EFCAB12: variants seen among roughly 807,000 people sequenced by gnomAD.
EFCAB12 encodes the protein EF-hand calcium binding domain 12.
EFCAB12 carries 43 observed loss-of-function variants against 53.6 expected under a neutral mutation model. The ratio of observed to expected loss-of-function variants is 0.80; its 90% CI spans 0.63 to 1.03. EFCAB12 has a LOEUF of 1.03. Among genes scored for constraint, EFCAB12 ranks in the 50% least tolerant of loss-of-function variants. EFCAB12 has a pLI of 0.00. For missense variants in EFCAB12, 646 were observed against 730.6 expected (o/e 0.88, Z 1.34); for synonymous variants, 269 against 289.2 (o/e 0.93, Z 0.71).
intron 5 of EFCAB12, among the ~76,000 whole-genome samples, chr3:129,410,909 C>A (rs902979183): frequency 6.6e-6 from 1 of 152,158 alleles, no homozygotes; most frequent in South Asian, 2.1e-4. Flanking sequence ...GATGAAAAGT[C>A]ATAATTAAAG....
intron 1 of EFCAB12, among the ~76,000 whole-genome samples, chr3:129,424,885 C>T (rs1321009620): frequency 6.6e-6 from 1 of 152,156 alleles, no homozygotes; most frequent in Non-Finnish European, 1.5e-5. Flanking sequence ...ACAAGATGTT[C>T]TCAGTTGGGG....
At chr3:129,421,858 G>A (rs2072193966) in intron 1 of EFCAB12, 55 bp from the exon 2 acceptor site, 1 of 1,504,756 alleles carries the variant, frequency 6.6e-7, no homozygotes, top group Non-Finnish European at 8.9e-7. Flanking sequence ...ACTGAAAGGA[G>A]CCAGGAAGGA....
Position 129,408,824 on chromosome 3 carries a change from C to CAA in EFCAB12, c.1069_1070insTT (p.Cys357PhefsTer25). ...CCGATTCCCACAGCGCACCAGGTGA[C>CAA]ATTGCTCCGTGTACTGGATGGAGGG... On this transcript the variant is annotated frameshift_variant, in exon 6 of 9. Coordinates refer to ENST00000505956, the MANE Select transcript of EFCAB12 (RefSeq NM_207307.3). LOFTEE classifies it high-confidence loss of function. 1 of 1,576,024 alleles carries CAA rather than the reference C, an allele frequency of 6.3e-7. No individual in the cohort carries two copies. Among genetic ancestry groups the CAA allele is most frequent in the South Asian group, 1.2e-5 (1 of 85,624 alleles).
chr3:129,403,776 G>A (rs2071908245), intron 7 of EFCAB12: 1 of 152,630 alleles, frequency 6.6e-6, no homozygotes, highest in Non-Finnish European at 1.5e-5. Context: ...GAAAGGGCTG[G>A]AGGCAGGTCC....
chr3:129,406,046 C>CT, intron 6 of EFCAB12, among the ~76,000 whole-genome samples: 1 of 133,932 alleles, frequency 7.5e-6, no homozygotes, highest in East Asian at 4.1e-4. Flanking sequence ...GACCCCATCT[C>CT]TTAAAAAAAA....
At chr3:129,426,247 T>C (rs2072269200) in intron 1 of EFCAB12, among the ~76,000 whole-genome samples, 1 of 152,156 alleles carries the variant, frequency 6.6e-6, no homozygotes, top group East Asian at 1.9e-4. Flanking sequence ...TATGACCTTC[T>C]GTATGCTGGG....
Position 129,421,662 on chromosome 3 carries a change from C to T in EFCAB12, c.191G>A (p.Arg64His), listed in dbSNP as rs181124030. ...ATTAAGGGGTGTCTGATCCTCCTTG[C>T]GAGGCACCATGATGATTCGCCGGCG... ...QTRRRIIMVPRKEDQTPLNPA... is the reference protein window; with the variant it reads ...QTRRRIIMVPHKEDQTPLNPA... Residue 64 changes from arginine to histidine, a missense_variant, in exon 2 of 9, where the codon CGC becomes CAC. Physicochemically the swap from Arg to His is conservative, Grantham distance 29 (BLOSUM62 0). Transcript: ENST00000505956. 21 of 1,613,888 alleles carry T rather than the reference C, an allele frequency of 1.3e-5. No individual in the cohort carries two copies. The East Asian group carries it at 2.5e-4, about 19-fold the overall frequency.
rs747967823 is a variant in EFCAB12, at chr3:129,408,754, C to A, written c.1140G>T (p.Met380Ile). Residue 380 changes from methionine to isoleucine, a missense_variant, in exon 6 of 9, where the codon ATG (methionine) becomes ATT (isoleucine). Physicochemically the swap from Met to Ile is conservative, Grantham distance 10. Transcript: ENST00000505956. ...TGCGGGCCGAGTCAATGAGCTCCCT[C>A]ATATCCCCGTGGATGGTGGACGGGA... is the stretch of plus-strand genomic sequence containing the variant. ...HCLPSTIHGD[M>I]RELIDSARRH... The A allele has an allele frequency of 6.3e-7, 1 of 1,581,272 alleles. No homozygotes were observed. The highest frequency in any genetic ancestry group is 8.6e-7 in the Non-Finnish European group (1 of 1,162,080).
chr3:129,405,652 T>G (rs891987224), intron 6 of EFCAB12, among the ~76,000 whole-genome samples: 1 of 152,100 alleles, frequency 6.6e-6, no homozygotes, highest in Non-Finnish European at 1.5e-5. Flanking sequence ...GGGGAGACCT[T>G]GTTTAGAATT....
intron 5 of EFCAB12, among the ~76,000 whole-genome samples, chr3:129,409,830 C>T (rs1455774370): frequency 5.3e-5 from 8 of 152,200 alleles, no homozygotes; most frequent in Admixed American, 5.2e-4. Flanking sequence ...TGGCCCTTTA[C>T]AGGGGAACTT....
At chr3:129,417,352 A>C (rs1282776402) in intron 3 of EFCAB12, among the ~76,000 whole-genome samples, 35 of 140,004 alleles carry the variant, frequency 2.5e-4, no homozygotes, top group South Asian at 4.6e-4. Context: ...AAAAAAAAAA[A>C]ACCCAAAACC....
chr3:129,402,562 C>T lies in EFCAB12; in HGVS notation c.1421G>A (p.Ser474Asn). ...AAACTCCTTAAAGCGCATTTTCTTG[C>T]TTTTCTTTGGCGTTTTCCTAGTGGA... Reference protein sequence around the residue: ...KRTDKKTPKKSKKMRFKEFEE... With the variant: ...KRTDKKTPKKNKKMRFKEFEE... The change falls in exon 8 of 9, where the codon AGC (serine) becomes AAC (asparagine). Residue 474 changes from serine to asparagine, a missense_variant. Coordinates refer to ENST00000505956, the MANE Select transcript of EFCAB12 (RefSeq NM_207307.3). 1.2e-6 allele frequency: 2 copies of T among 1,612,890 alleles called. No individual in the cohort carries two copies. The highest frequency in any genetic ancestry group is 1.7e-6 in the Non-Finnish European group (2 of 1,179,336).
intron 4 of EFCAB12, chr3:129,411,556 C>A: frequency 2.0e-6 from 1 of 499,190 alleles, no homozygotes; most frequent in Non-Finnish European, 3.5e-6. Context: ...CTAATGGCGT[C>A]CCTTACTGCA....
At chr3:129,404,208 G>A (rs114955151) in intron 7 of EFCAB12, 42 bp downstream of exon 7, 18,616 of 1,592,348 alleles carry the variant, frequency 0.012, 187 homozygotes, top group Non-Finnish European at 0.015. Flanking sequence ...TAGCAATGGA[G>A]CAGGAGGCCA....
intron 6 of EFCAB12, 35 bp downstream of exon 6, chr3:129,408,610 G>A (rs1270113948): frequency 6.5e-7 from 1 of 1,549,364 alleles, no homozygotes; most frequent in African/African-American, 1.4e-5. Context: ...GGGTTCCCTT[G>A]GCATCTTCCT....
At chr3:129,420,311 G>A (rs2072173050) in intron 2 of EFCAB12, among the ~76,000 whole-genome samples, 1 of 152,164 alleles carries the variant, frequency 6.6e-6, no homozygotes, top group Admixed American at 6.5e-5. Context: ...GACCCCAGGA[G>A]GTAGGAACAA....
Position 129,421,733 on chromosome 3 carries a change from G to A in EFCAB12, c.120C>T (p.His40=). 6.2e-7 allele frequency: 1 copy of A among 1,613,912 alleles called. No homozygotes were observed. The highest frequency in any genetic ancestry group is 8.5e-7 in the Non-Finnish European group (1 of 1,179,884). Residue 40 remains histidine, a synonymous_variant, in exon 2 of 9, where the codon CAC becomes CAT. Coordinates refer to ENST00000505956, the MANE Select transcript of EFCAB12 (RefSeq NM_207307.3). ...CCTTCTGCTGGAACTGCTTGAAGCA[G>A]TGGGCAATGACCGGTTCAGGATCAA... ...PVFDPEPVIA[H]CFKQFQQKDF... is the part of the protein sequence containing the mutation.
intron 1 of EFCAB12, among the ~76,000 whole-genome samples, chr3:129,427,348 C>T (rs1170342391): frequency 2.1e-5 from 3 of 145,328 alleles, no homozygotes; most frequent in African/African-American, 8.4e-5. Context: ...TGCCCCTTCC[C>T]CCACTAACTG....
At chr3:129,411,071 C>T in intron 5 of EFCAB12, 87 bp downstream of exon 5, 1 of 1,444,068 alleles carries the variant, frequency 6.9e-7, no homozygotes, top group South Asian at 1.3e-5. Context: ...CAGGGTTCTG[C>T]AGCCAGCGGG....
Sources: allele counts gnomAD v4.1 joint callset (sites outside exome capture counted in the v4.1 genomes callset), GRCh38; gene constraint gnomAD v4.1.1; transcripts MANE v1.5; gene names NCBI Gene and HGNC (gene_info 2026-07-23, HGNC 2026-07-21).